PPP2R2C: variants seen among roughly 807,000 people sequenced by gnomAD.
PPP2R2C encodes protein phosphatase 2 regulatory subunit Bgamma, also known as protein phosphatase 2, regulatory subunit B, gamma.
PPP2R2C carries 10 observed loss-of-function variants against 45.3 expected under a neutral mutation model. That is an observed-to-expected ratio of 0.22 (90% confidence interval 0.14 to 0.37). The LOEUF (loss-of-function observed/expected upper bound fraction) is 0.37. Ranked by LOEUF, PPP2R2C falls within the 10% of genes least tolerant of loss-of-function variation. The pLI is 1.00. For missense variants in PPP2R2C, 308 were observed against 619.7 expected (o/e 0.50, Z 5.34); for synonymous variants, 257 against 245.4 (o/e 1.05, Z -0.44).
chr4:6,470,426 A>G (rs1410506909), intron 1 of PPP2R2C, among the ~76,000 whole-genome samples: 2 of 152,182 alleles, frequency 1.3e-5, no homozygotes, highest in African/African-American at 4.8e-5. Flanking sequence ...GAGGGAATTA[A>G]TGTTTGAAAA....
Position 6,408,873 on chromosome 4 carries a change from CT to C in PPP2R2C, c.71-27780del, listed in dbSNP as rs57209185. ...AGAGGGCCTCTCAAGGATCCTGTGGCTTTTTTTTTTTTTTTTTTAGGATTAC... is the reference window on the plus strand; with the variant it reads ...AGAGGGCCTCTCAAGGATCCTGTGGCTTTTTTTTTTTTTTTTTAGGATTAC... On this transcript the variant is annotated intron_variant, in intron 1 of 8. Transcript: ENST00000382599. 2.5e-3 allele frequency among the ~76,000 whole-genome samples: 317 copies of C among 126,744 alleles called. 3 individuals carry two copies. The highest frequency in any genetic ancestry group is 4.8e-3 in the South Asian group (18 of 3,738). 83.1% of individuals were successfully genotyped at this position (126,744 alleles called of 152,430 possible). A position where few individuals can be genotyped will look rare whatever the true frequency, so the allele number is the denominator to read the frequency against.
At chr4:6,532,336 T>A (rs1016865152) in intron 2 of PPP2R2C, among the ~76,000 whole-genome samples, 6 of 152,198 alleles carry the variant, frequency 3.9e-5, no homozygotes, top group African/African-American at 1.4e-4. Flanking sequence ...GGAAGCCATG[T>A]TTCCTGATGC....
chr4:6,512,218 G>C (rs1195442625), intron 2 of PPP2R2C, among the ~76,000 whole-genome samples: 1 of 58,048 alleles, frequency 1.7e-5, no homozygotes, highest in Non-Finnish European at 3.5e-5. Flanking sequence ...GGTGATGGTG[G>C]TGTTGGTGGT....
At chr4:6,361,646 G>A (rs1577107490) in intron 5 of PPP2R2C, among the ~76,000 whole-genome samples, 1 of 152,358 alleles carries the variant, frequency 6.6e-6, no homozygotes, top group Non-Finnish European at 1.5e-5. Flanking sequence ...ATACAGCTAA[G>A]CAGGATGCAA....
Position 6,364,938 on chromosome 4 carries a change from T to C in PPP2R2C, c.625+7585A>G, listed in dbSNP as rs1714150541. ...GAAGAAGACTATCTTTTTGCTCACC[T>C]AGAAAGTTCACCTGGATAGCATCAG... is the stretch of plus-strand genomic sequence containing the variant. On this transcript the variant is annotated intron_variant, in intron 5 of 8. Transcript: ENST00000382599. The surrounding 1 kb of genome is among the most constrained non-coding windows in gnomAD (Gnocchi z 5.3). Among the ~76,000 whole-genome samples the C allele has an allele frequency of 6.6e-6, 1 of 152,208 alleles. No individual in the cohort carries two copies. Among genetic ancestry groups the C allele is most frequent in the African/African-American group, 2.4e-5 (1 of 41,452 alleles).
intron 5 of PPP2R2C, among the ~76,000 whole-genome samples, chr4:6,351,721 G>GT (rs1334592036): frequency 6.6e-6 from 1 of 152,114 alleles, no homozygotes; most frequent in Non-Finnish European, 1.5e-5. Flanking sequence ...GGTCCCCACG[G>GT]TAAGATCTCC....
intron 1 of PPP2R2C, among the ~76,000 whole-genome samples, chr4:6,451,308 C>T (rs1196980984): frequency 1.3e-5 from 2 of 152,356 alleles, no homozygotes; most frequent in East Asian, 3.9e-4. Context: ...ACACTCCAGC[C>T]CCTGCCCTCC....
intron 1 of PPP2R2C, among the ~76,000 whole-genome samples, chr4:6,426,558 T>C (rs1719344573): frequency 6.6e-6 from 1 of 152,180 alleles, no homozygotes; most frequent in Admixed American, 6.5e-5. Context: ...TGCATGGCAA[T>C]TGTGGTCCTT....
At chr4:6,514,439 T>C (rs1246050136) in intron 2 of PPP2R2C, among the ~76,000 whole-genome samples, 1 of 152,232 alleles carries the variant, frequency 6.6e-6, no homozygotes, top group African/African-American at 2.4e-5. Context: ...TGATCAAAGA[T>C]GTGACCTGGC....
At chr4:6,488,050 T>C (rs1220892136) in intron 2 of PPP2R2C, among the ~76,000 whole-genome samples, 1 of 152,228 alleles carries the variant, frequency 6.6e-6, no homozygotes, top group African/African-American at 2.4e-5. Flanking sequence ...TACATTGTAA[T>C]TTTCATCTGT....
chr4:6,530,358 G>A (rs1235298718), intron 2 of PPP2R2C, among the ~76,000 whole-genome samples: 1 of 152,114 alleles, frequency 6.6e-6, no homozygotes, highest in Admixed American at 6.5e-5. Context: ...AGCGTGATCC[G>A]CCACCGCACC....
intron 2 of PPP2R2C, among the ~76,000 whole-genome samples, chr4:6,508,169 C>G (rs1723299456): frequency 6.6e-6 from 1 of 152,138 alleles, no homozygotes; most frequent in African/African-American, 2.4e-5. Flanking sequence ...GGCAGGAGAG[C>G]CTGCCCCAAA....
chr4:6,365,788 C>G (rs137903662), intron 5 of PPP2R2C, among the ~76,000 whole-genome samples: 1 of 152,138 alleles, frequency 6.6e-6, no homozygotes, highest in Non-Finnish European at 1.5e-5. Context: ...TTCTCCAGGC[C>G]GAGGCTTGGT....
intron 2 of PPP2R2C, among the ~76,000 whole-genome samples, chr4:6,509,244 C>T (rs546601573): frequency 6.6e-6 from 1 of 152,208 alleles, no homozygotes; most frequent in Non-Finnish European, 1.5e-5. Context: ...AACACTCCAG[C>T]TTGAAAACAA....
chr4:6,539,764 T>C (rs994846050), intron 1 of PPP2R2C, among the ~76,000 whole-genome samples: 1 of 152,172 alleles, frequency 6.6e-6, no homozygotes, highest in Non-Finnish European at 1.5e-5. Context: ...CATTCCCGAT[T>C]ACCCTCGCTC....
intron 1 of PPP2R2C, among the ~76,000 whole-genome samples, chr4:6,405,838 C>T (rs1474525616): frequency 2.0e-5 from 3 of 152,074 alleles, no homozygotes; most frequent in Non-Finnish European, 4.4e-5. Flanking sequence ...AACGGCTTCG[C>T]GGAGGGGCAG....
intron 2 of PPP2R2C, among the ~76,000 whole-genome samples, chr4:6,494,895 C>A (rs1160157698): frequency 2.0e-5 from 3 of 152,220 alleles, no homozygotes; most frequent in Admixed American, 6.5e-5. Flanking sequence ...TCCTGGCTGC[C>A]CTGTCCAGAG....
chr4:6,514,254 T>C (rs1360799756), intron 2 of PPP2R2C, among the ~76,000 whole-genome samples: 4 of 152,262 alleles, frequency 2.6e-5, no homozygotes, highest in East Asian at 1.9e-4. Context: ...TCATTTCATT[T>C]ACTAAATGAA....
At chr4:6,490,514 G>A (rs749447616) in intron 2 of PPP2R2C, among the ~76,000 whole-genome samples, 1 of 152,206 alleles carries the variant, frequency 6.6e-6, no homozygotes. Flanking sequence ...CCAATGAACA[G>A]CACCCAATCG....
Sources: allele counts gnomAD v4.1 joint callset (sites outside exome capture counted in the v4.1 genomes callset), GRCh38; gene constraint gnomAD v4.1.1; non-coding constraint Gnocchi (gnomAD v3.1); transcripts MANE v1.5; gene names NCBI Gene and HGNC (gene_info 2026-07-23, HGNC 2026-07-21).